CRELD2: variants seen among roughly 807,000 people sequenced by gnomAD.
CRELD2 encodes protein disulfide isomerase CRELD2.
A neutral mutation model predicts 48.1 loss-of-function variants in CRELD2; 33 were observed. The observed-to-expected ratio is 0.69, with a 90% confidence interval of 0.52 to 0.92. The LOEUF (loss-of-function observed/expected upper bound fraction) is 0.92, where lower values mean the gene tolerates loss of function less well. Among genes scored for constraint, CRELD2 ranks in the 40% least tolerant of loss-of-function variants. The pLI is 0.00. For missense variants in CRELD2, 477 were observed against 482.4 expected (o/e 0.99, Z 0.10); for synonymous variants, 220 against 203.9 (o/e 1.08, Z -0.67).
rs2060689318 is a variant in CRELD2, at chr22:49,921,706, CT to C, written c.538del (p.Cys180AlafsTer30). On this transcript the variant is annotated frameshift_variant, in exon 5 of 10. Coordinates refer to ENST00000328268, the MANE Select transcript of CRELD2 (RefSeq NM_024324.5). LOFTEE classifies it high-confidence loss of function. The stretch of plus-strand genomic sequence containing the variant: ...GGTACCAGGGCCCGCTGTGCACTGA[CT>C]GCATGGACGGCTACTTCAGCTCGCT... ...MGYQGPLCTD[C>X]MDGYFSSLRN... 1.2e-6 allele frequency: 2 copies of C among 1,612,848 alleles called. No homozygotes were observed. Among genetic ancestry groups the C allele is most frequent in the Non-Finnish European group, 1.7e-6 (2 of 1,179,984 alleles).
At position 49,927,276 on chromosome 22, in the gene CRELD2, C is replaced by G. The variant is rs761366364; in HGVS notation, c.1031C>G (p.Pro344Arg). The change falls in exon 10 of 10, where the codon CCG (proline) becomes CGG (arginine). Residue 344 changes from proline (P) to arginine (R), a missense_variant. Coordinates refer to ENST00000328268, the MANE Select transcript of CRELD2 (RefSeq NM_024324.5). ...ACAGAAGCCACAGAAGGAGAAAGCC[C>G]GACACAGCTGCCCTCCCGCGAAGAC... Reference protein sequence around the residue: ...AEAEATEGESPTQLPSREDL With the variant: ...AEAEATEGESRTQLPSREDL 5.0e-6 allele frequency: 8 copies of G among 1,612,304 alleles called. No individual in the cohort carries two copies. Among genetic ancestry groups the G allele is most frequent in the Admixed American group, 3.3e-5 (2 of 59,974 alleles).
intron 5 of CRELD2, 51 bp from the exon 6 acceptor site, chr22:49,922,561 A>C: frequency 6.7e-7 from 1 of 1,491,600 alleles, no homozygotes; most frequent in Non-Finnish European, 9.0e-7. Flanking sequence ...CTTGTCCCCA[A>C]GCTGGTACCT....
At chr22:49,921,046 A>G (rs914279928) in intron 4 of CRELD2, among the ~76,000 whole-genome samples, 30 of 151,254 alleles carry the variant, frequency 2.0e-4, no homozygotes, top group African/African-American at 6.6e-4. Context: ...TCATGGTGCA[A>G]ACATCACAGC....
intron 7 of CRELD2, chr22:49,923,599 G>T (rs557145811): frequency 4.0e-5 from 22 of 545,380 alleles, no homozygotes; most frequent in African/African-American, 3.2e-4. Flanking sequence ...CGTGCCCTGC[G>T]TGACTTTCCG....
At chr22:49,925,087 C>T (rs12170409) in intron 8 of CRELD2, 24,367 of 185,618 alleles carry the variant, frequency 0.13, 2,602 homozygotes, top group African/African-American at 0.31. Flanking sequence ...GAGGAGATCG[C>T]GCCACCGCAC....
At position 49,925,502 on chromosome 22, in the gene CRELD2, G is replaced by A. The variant is rs752800208; in HGVS notation, c.954G>A (p.Val318=). Residue 318 remains valine, a synonymous_variant, in exon 9 of 10, where the codon GTG becomes GTA. Transcript: ENST00000328268. ...CYNTPGSYVC[V]CPDGFEETED... ...ATACTCCAGGGAGCTACGTCTGTGT[G>A]TGTCCTGACGGCTTCGAAGAAACGG... 5.6e-6 allele frequency: 9 copies of A among 1,613,908 alleles called. No individual in the cohort carries two copies. The South Asian group carries it at 8.8e-5, about 16-fold the overall frequency.
At position 49,922,092 on chromosome 22, in the gene CRELD2, G is replaced by A. The variant is rs1601841786; in HGVS notation, c.592+331G>A. ...GGGCCCCGCACCGGCCCAGAGAGCAGCATCTGTCAAATCCCTGCAGGCCGT... is the reference window on the plus strand; with the variant it reads ...GGGCCCCGCACCGGCCCAGAGAGCAACATCTGTCAAATCCCTGCAGGCCGT... On this transcript the variant is annotated intron_variant, in intron 5 of 9. Coordinates refer to ENST00000328268, the MANE Select transcript of CRELD2 (RefSeq NM_024324.5). 9.3e-6 allele frequency: 6 copies of A among 648,348 alleles called. No homozygotes were observed. The Admixed American group carries it at 1.8e-4, about 20-fold the overall frequency. 40.2% of individuals were successfully genotyped at this position (648,348 alleles called of 1,614,324 possible). A position where few individuals can be genotyped will look rare whatever the true frequency, so the allele number is the denominator to read the frequency against.
At position 49,919,233 on chromosome 22, in the gene CRELD2, A is replaced by AT; in HGVS notation, c.134dup (p.Met45IlefsTer70). ...TATGGGCACTGTCTCCTCGCAGGGG[A>AT]TGGTGGACACCGCAAAGAAGAACTT... On this transcript the variant is annotated frameshift_variant, in exon 2 of 10. Coordinates refer to ENST00000328268, the MANE Select transcript of CRELD2 (RefSeq NM_024324.5). LOFTEE classifies it high-confidence loss of function. The AT allele has an allele frequency of 6.2e-7, 1 of 1,613,506 alleles. No individual in the cohort carries two copies. The highest frequency in any genetic ancestry group is 8.5e-7 in the Non-Finnish European group (1 of 1,179,890).
At chr22:49,921,320 A>T in intron 4 of CRELD2, 1 of 502,792 alleles carries the variant, frequency 2.0e-6, no homozygotes, top group East Asian at 3.2e-5. Context: ...TGTGCTATGC[A>T]GGGTCCCTTG....
At chr22:49,925,047 C>T (rs9616214) in intron 8 of CRELD2, 13,470 of 168,828 alleles carry the variant, frequency 0.08, 698 homozygotes, top group South Asian at 0.11. Context: ...AGCAGAATGG[C>T]GTGAACCCGG....
At chr22:49,925,267 A>T in intron 8 of CRELD2, 150 bp from the exon 9 acceptor site, 1 of 608,646 alleles carries the variant, frequency 1.6e-6, no homozygotes, top group Non-Finnish European at 2.8e-6. Context: ...TCCCTCTCGA[A>T]GCCTTTCCTG....
chr22:49,922,529 A>G (rs556188568), intron 5 of CRELD2, 83 bp from the exon 6 acceptor site: 8 of 1,484,590 alleles, frequency 5.4e-6, no homozygotes, highest in Non-Finnish European at 7.3e-6. Flanking sequence ...TTCCCTCTTA[A>G]ATTCCTCACT....
chr22:49,921,813 C>T (rs558913215), intron 5 of CRELD2, 52 bp downstream of exon 5: 1 of 1,554,886 alleles, frequency 6.4e-7, no homozygotes, highest in Admixed American at 1.8e-5. Flanking sequence ...TGACAAGAGC[C>T]CCTTGCTGGA....
At position 49,927,250 on chromosome 22, in the gene CRELD2, G is replaced by A. The variant is rs557186643; in HGVS notation, c.1010-5G>A. ...CCTTGACGACCTATGCTTGTTTTCTGACAGAAGCCACAGAAGGAGAAAGCC... is the reference window on the plus strand; with the variant it reads ...CCTTGACGACCTATGCTTGTTTTCTAACAGAAGCCACAGAAGGAGAAAGCC... On this transcript the variant is annotated splice_region_variant and splice_polypyrimidine_tract_variant and intron_variant, in intron 9 of 9. Transcript: ENST00000328268. 29 of 1,612,252 alleles carry A rather than the reference G, an allele frequency of 1.8e-5. No individual in the cohort carries two copies. In the African/African-American group the frequency reaches 2.7e-4, roughly 15 times the overall value.
In CRELD2 at chr22:49,927,448, A is replaced by G; in HGVS notation, c.*141A>G. 1 of 691,198 alleles carries G rather than the reference A, an allele frequency of 1.4e-6. No individual in the cohort carries two copies. The highest frequency in any genetic ancestry group is 1.6e-5 in the South Asian group (1 of 60,868). 42.8% of individuals were successfully genotyped at this position (691,198 alleles called of 1,614,324 possible). ...GTTGATTCTCATTTGTCCCTTAAACAGCTGCATTTCTTGGTTGTTCTTAAA... is the reference window on the plus strand; with the variant it reads ...GTTGATTCTCATTTGTCCCTTAAACGGCTGCATTTCTTGGTTGTTCTTAAA... On this transcript the variant is annotated 3_prime_UTR_variant, in exon 10 of 10. Coordinates refer to ENST00000328268, the MANE Select transcript of CRELD2 (RefSeq NM_024324.5).
At chr22:49,919,199 A>T (rs377183420) in intron 1 of CRELD2, 31 bp from the exon 2 acceptor site, 1 of 1,609,402 alleles carries the variant, frequency 6.2e-7, no homozygotes, top group South Asian at 1.1e-5. Context: ...GTCAGGTGGT[A>T]CCAAGCACTA....
In CRELD2 at chr22:49,919,318, T is replaced by C. The variant is rs775447820; in HGVS notation, c.212+6T>C. 7.1e-5 allele frequency: 114 copies of C among 1,612,390 alleles called. No homozygotes were observed. The highest frequency in any genetic ancestry group is 9.1e-5 in the Non-Finnish European group (107 of 1,179,142). ...CTGTCCAAGTACGAGTCCAGGTGGG[T>C]GCCCTGGAGCACCCCTGTGGGTCTT... On this transcript the variant is annotated splice_donor_region_variant and intron_variant, in intron 2 of 9. Transcript: ENST00000328268.
chr22:49,927,393 C>T lies in CRELD2; in HGVS notation c.*86C>T, dbSNP rs900564190. The T allele has an allele frequency of 1.4e-5, 16 of 1,104,418 alleles. No homozygotes were observed. Among genetic ancestry groups the T allele is most frequent in the South Asian group, 5.0e-5 (4 of 79,858 alleles). 68.4% of individuals were successfully genotyped at this position (1,104,418 alleles called of 1,614,324 possible). A position where few individuals can be genotyped will look rare whatever the true frequency, so the allele number is the denominator to read the frequency against. The stretch of plus-strand genomic sequence containing the variant: ...GGATGCCGTCTCCTGCAGTGGACAG[C>T]GGCGGGGAGAGGCTGCCTGCTCTCT... On this transcript the variant is annotated 3_prime_UTR_variant, in exon 10 of 10. Transcript: ENST00000328268.
At chr22:49,921,845 A>G (rs1167510038) in intron 5 of CRELD2, 84 bp downstream of exon 5, 3 of 1,399,424 alleles carry the variant, frequency 2.1e-6, no homozygotes, top group Non-Finnish European at 1.9e-6. Context: ...AGATGGGAAC[A>G]GGGGCCTGTT....
Sources: allele counts gnomAD v4.1 joint callset (sites outside exome capture counted in the v4.1 genomes callset), GRCh38; gene constraint gnomAD v4.1.1; transcripts MANE v1.5; gene names NCBI Gene and HGNC (gene_info 2026-07-23, HGNC 2026-07-21).